Variants in ATAD5 observed in about 807,000 individuals in gnomAD.
The protein encoded by ATAD5 is ATPase family AAA domain-containing protein 5.
A neutral mutation model predicts 176.9 loss-of-function variants in ATAD5; 58 were observed. That is an observed-to-expected ratio of 0.33 (90% CI 0.27 to 0.41). The LOEUF is 0.41. ATAD5 is among the 10% of genes least tolerant of loss of function. The probability of loss-of-function intolerance (pLI) is 1.00; values close to 1 mark genes in which losing one functional copy is unlikely to be tolerated. For missense variants in ATAD5, 1,789 were observed against 2,094.1 expected (o/e 0.85, Z 2.84); for synonymous variants, 640 against 712.6 (o/e 0.90, Z 1.62).
intron 10 of ATAD5, among the ~76,000 whole-genome samples, chr17:30,861,559 T>C (rs1033038075): frequency 6.6e-6 from 1 of 152,146 alleles, no homozygotes; most frequent in African/African-American, 2.4e-5. Context: ...ACAGCATCTC[T>C]CTCCGTCGCT....
Position 30,832,284 on chromosome 17 carries a change from C to T in ATAD5, c.-64C>T, listed in dbSNP as rs1480855038. 3 of 1,387,078 alleles carry T rather than the reference C, an allele frequency of 2.2e-6. No homozygotes were observed. The highest frequency in any genetic ancestry group is 1.8e-5 in the South Asian group (1 of 55,258). The allele number at this position is 1,387,078 out of a possible 1,614,324, so 85.9% of individuals were successfully genotyped here. A position where few individuals can be genotyped will look rare whatever the true frequency, so the allele number is the denominator to read the frequency against. On this transcript the variant is annotated 5_prime_UTR_variant, in exon 1 of 23. Transcript: ENST00000321990. ...TACTGGAGCGGGCCGCCTCCATGGCCTCCAGGCAGGCCGGGCTGGACCGCG... is the reference window on the plus strand; with the variant it reads ...TACTGGAGCGGGCCGCCTCCATGGCTTCCAGGCAGGCCGGGCTGGACCGCG...
intron 18 of ATAD5, among the ~76,000 whole-genome samples, chr17:30,882,348 A>G (rs1305977705): frequency 6.6e-6 from 1 of 152,052 alleles, no homozygotes; most frequent in African/African-American, 2.4e-5. Context: ...GGATCCCTTG[A>G]GCCCAGAAGT....
rs555958574 is a variant in ATAD5, at chr17:30,835,679, T to C, written c.1598T>C (p.Leu533Ser). Residue 533 changes from leucine (L) to serine (S), a missense_variant, in exon 2 of 23, where the codon TTA becomes TCA. By Grantham distance (145) the Leu-to-Ser change is moderately radical (BLOSUM62 -2). Coordinates refer to ENST00000321990, the MANE Select transcript of ATAD5 (RefSeq NM_024857.5). ...ACAGAGTTTTTCAAAAGCAGCACTT[T>C]ATTTAACAATGAAAGTCTTGTTTAT... Reference protein sequence around the residue: ...RKTEFFKSSTLFNNESLVYED... With the variant: ...RKTEFFKSSTSFNNESLVYED... 4.4e-6 allele frequency: 7 copies of C among 1,607,964 alleles called. No homozygotes were observed. The African/African-American group carries it at 9.4e-5, about 22-fold the overall frequency.
intron 6 of ATAD5, among the ~76,000 whole-genome samples, chr17:30,846,872 C>T (rs957253327): frequency 4.7e-5 from 7 of 150,044 alleles, no homozygotes; most frequent in African/African-American, 1.8e-4. Flanking sequence ...AGGCATGTGC[C>T]ACCACGCCTG....
At chr17:30,838,107 T>C (rs1269512518) in intron 3 of ATAD5, among the ~76,000 whole-genome samples, 1 of 152,202 alleles carries the variant, frequency 6.6e-6, no homozygotes, top group Non-Finnish European at 1.5e-5. Flanking sequence ...CAACCAAAAA[T>C]GTGTCCAGAC....
chr17:30,888,001 T>C (rs1909414141), intron 19 of ATAD5, among the ~76,000 whole-genome samples: 1 of 151,710 alleles, frequency 6.6e-6, no homozygotes, highest in Non-Finnish European at 1.5e-5. Context: ...CCAGCTAATT[T>C]TTTTTGTCTT....
chr17:30,861,564 G>A (rs991611476), intron 10 of ATAD5, among the ~76,000 whole-genome samples: 5 of 151,620 alleles, frequency 3.3e-5, no homozygotes, highest in African/African-American at 9.7e-5. Flanking sequence ...ATCTCTCTCC[G>A]TCGCTTGCCT....
At chr17:30,878,737 T>TG in intron 17 of ATAD5, among the ~76,000 whole-genome samples, 1 of 120,684 alleles carries the variant, frequency 8.3e-6, no homozygotes, top group African/African-American at 3.1e-5. Context: ...TTTTTTTTTT[T>TG]TTTTTTTTTT....
At position 30,894,583 on chromosome 17, in the gene ATAD5, T is replaced by G; in HGVS notation, c.5317T>G (p.Ser1773Ala). ...ANLDNAWKRISVIKSVFSSRS... is the reference protein window; with the variant it reads ...ANLDNAWKRIAVIKSVFSSRS... ...TTACAGCAATGCTTGGAAGAGGATA[T>G]CAGTCATTAAAAGTGTATTTTCGAG... The change falls in exon 22 of 23, where the codon TCA (serine) becomes GCA (alanine). Residue 1773 changes from serine to alanine, a missense_variant. Coordinates refer to ENST00000321990, the MANE Select transcript of ATAD5 (RefSeq NM_024857.5). 6.2e-7 allele frequency: 1 copy of G among 1,608,128 alleles called. No individual in the cohort carries two copies. The highest frequency in any genetic ancestry group is 8.5e-7 in the Non-Finnish European group (1 of 1,178,522).
In ATAD5 at chr17:30,894,702, A is replaced by C; in HGVS notation, c.5436A>C (p.Glu1812Asp). ...TCTGTAAGACTGAGAAGCTAAAAGAACAAGGAAAAAGTAAAAGAAGGTAAA... is the reference window on the plus strand; with the variant it reads ...TCTGTAAGACTGAGAAGCTAAAAGACCAAGGAAAAAGTAAAAGAAGGTAAA... The part of the protein sequence containing the change: ...RNICKTEKLK[E>D]QGKSKRRFLH... Residue 1812 changes from glutamate (E) to aspartate (D), a missense_variant, in exon 22 of 23, where the codon GAA (glutamate) becomes GAC (aspartate). Around this residue, in one of 6 missense-constraint regions of ATAD5, gnomAD observed 403 missense variants for 495.1 expected, o/e 0.81. Coordinates refer to ENST00000321990, the MANE Select transcript of ATAD5 (RefSeq NM_024857.5). 1.2e-6 allele frequency: 2 copies of C among 1,608,338 alleles called. No homozygotes were observed. Among genetic ancestry groups the C allele is most frequent in the Non-Finnish European group, 1.7e-6 (2 of 1,178,372 alleles).
chr17:30,878,122 T>G, intron 17 of ATAD5, 26 bp downstream of exon 17: 1 of 1,457,628 alleles, frequency 6.9e-7, no homozygotes, highest in South Asian at 1.2e-5. Flanking sequence ...TTTACTTCAG[T>G]TAAACAGTTA....
intron 14 of ATAD5, among the ~76,000 whole-genome samples, chr17:30,871,445 T>A (rs891537763): frequency 1.3e-5 from 2 of 151,824 alleles, no homozygotes; most frequent in South Asian, 4.2e-4. Flanking sequence ...CCTCCCAGGT[T>A]CAAGCAATTC....
At chr17:30,866,808 C>G (rs1908017667) in intron 11 of ATAD5, among the ~76,000 whole-genome samples, 1 of 152,074 alleles carries the variant, frequency 6.6e-6, no homozygotes, top group Non-Finnish European at 1.5e-5. Flanking sequence ...GAGTAAGACT[C>G]TGTCCCAAAA....
chr17:30,841,762 T>C (rs2142318822), intron 4 of ATAD5, among the ~76,000 whole-genome samples: 1 of 152,294 alleles, frequency 6.6e-6, no homozygotes, highest in East Asian at 1.9e-4. Flanking sequence ...GTCTGGCTTC[T>C]ATTACTTAGG....
intron 11 of ATAD5, among the ~76,000 whole-genome samples, chr17:30,866,692 G>C (rs2054253036): frequency 6.6e-6 from 1 of 151,974 alleles, no homozygotes; most frequent in Admixed American, 6.6e-5. Context: ...ATGCACGCCT[G>C]TAATCCTGGC....
At chr17:30,856,887 A>G in intron 7 of ATAD5, 68 bp from the exon 8 acceptor site, 1 of 1,371,734 alleles carries the variant, frequency 7.3e-7, no homozygotes, top group Non-Finnish European at 9.6e-7. Flanking sequence ...ATGTTTACGT[A>G]TTTGACATTC....
At position 30,834,629 on chromosome 17, in the gene ATAD5, C is replaced by T. The variant is rs914996435; in HGVS notation, c.548C>T (p.Thr183Ile). The T allele has an allele frequency of 6.2e-7, 1 of 1,611,254 alleles. No individual in the cohort carries two copies. Among genetic ancestry groups the T allele is most frequent in the East Asian group, 2.2e-5 (1 of 44,814 alleles). The change falls in exon 2 of 23, where the codon ACC becomes ATC. Residue 183 changes from threonine to isoleucine, a missense_variant. Physicochemically the swap from Thr to Ile is moderately conservative, Grantham distance 89. Transcript: ENST00000321990. ...QDTKSQPNTM[T>I]SLQNSKKVNP... ...ACAAAAAGTCAACCAAATACTATGA[C>T]CTCCCTGCAAAATTCTAAAAAAGTA...
chr17:30,872,490 T>C (rs1908390016), intron 14 of ATAD5, among the ~76,000 whole-genome samples: 1 of 152,018 alleles, frequency 6.6e-6, no homozygotes, highest in East Asian at 1.9e-4. Flanking sequence ...TCTTCTGTAT[T>C]CTTCCCCACA....
intron 9 of ATAD5, among the ~76,000 whole-genome samples, chr17:30,859,718 T>TG (rs1555556118): frequency 7.6e-4 from 109 of 142,506 alleles, no homozygotes; most frequent in Middle Eastern, 3.6e-3. Context: ...TAGAATACAG[T>TG]TTGTTTGTTT....
Sources: allele counts gnomAD v4.1 joint callset (sites outside exome capture counted in the v4.1 genomes callset), GRCh38; gene constraint gnomAD v4.1.1; regional missense constraint gnomAD v4.1.1; transcripts MANE v1.5; gene names NCBI Gene and HGNC (gene_info 2026-07-23, HGNC 2026-07-21).